PRELID2: variants seen among roughly 807,000 people sequenced by gnomAD.
The protein encoded by PRELID2 is PRELI domain containing 2.
Under a neutral mutation model 28.4 loss-of-function variants are expected in PRELID2, and 25 were observed. The observed-to-expected ratio is 0.88, with a 90% CI of 0.64 to 1.23. The LOEUF is 1.23. Ranked by LOEUF, PRELID2 falls within the 50% of genes most tolerant of loss-of-function variation. The probability of loss-of-function intolerance (pLI) is 0.00; values close to 1 mark genes in which losing one functional copy is unlikely to be tolerated. For synonymous variants in PRELID2, 76 were observed against 71.6 expected (o/e 1.06, Z -0.31); for missense variants, 201 against 214.4 (o/e 0.94, Z 0.39).
chr5:145,793,222 C>T (rs886852480), intron 5 of PRELID2, among the ~76,000 whole-genome samples: 1 of 152,132 alleles, frequency 6.6e-6, no homozygotes, highest in Non-Finnish European at 1.5e-5. Context: ...GCACAGAATA[C>T]GTATGACCTC....
intron 6 of PRELID2, 63 bp downstream of exon 6, chr5:145,764,868 C>A: frequency 8.2e-7 from 1 of 1,219,982 alleles, no homozygotes; most frequent in East Asian, 2.3e-5. Flanking sequence ...TGTAGAATAC[C>A]AGGCTGATAA....
rs149050121 is a variant in PRELID2 at position 145,607,075 on chromosome 5, G to A, written n.71-133760C>T. 9.1e-4 allele frequency among the ~76,000 whole-genome samples: 139 copies of A among 152,112 alleles called. 1 individual carries two copies. The East Asian group carries it at 0.026, about 28-fold the overall frequency. On this transcript the variant is annotated intron_variant and non_coding_transcript_variant, in intron 1 of 2. Coordinates refer to the PRELID2 transcript ENST00000510259. Reference sequence around the variant, plus strand: ...CTGAGAGATTTTTATATTTCTGTGGGGTCAGTGATAATGTAACCTGTGTCA... The same window carrying A: ...CTGAGAGATTTTTATATTTCTGTGGAGTCAGTGATAATGTAACCTGTGTCA...
intron 1 of PRELID2, among the ~76,000 whole-genome samples, chr5:145,748,571 T>C (rs1342064340): frequency 6.6e-6 from 1 of 152,170 alleles, no homozygotes; most frequent in East Asian, 1.9e-4. Context: ...ATAGATTCAA[T>C]GCTATTCCCA....
At chr5:145,808,666 C>T (rs1054618668) in intron 4 of PRELID2, among the ~76,000 whole-genome samples, 1 of 152,066 alleles carries the variant, frequency 6.6e-6, no homozygotes, top group African/African-American at 2.4e-5. Context: ...AAGAGGGTCA[C>T]TTGAGGCCAG....
intron 2 of PRELID2, among the ~76,000 whole-genome samples, chr5:145,822,389 C>T (rs938854522): frequency 6.6e-6 from 1 of 152,176 alleles, no homozygotes; most frequent in African/African-American, 2.4e-5. Flanking sequence ...TCTGTGGCAA[C>T]TGGTCAACTC....
the PRELID2 span, among the ~76,000 whole-genome samples, chr5:145,261,696 C>T: frequency 6.6e-6 from 1 of 152,136 alleles, no homozygotes; most frequent in African/African-American, 2.4e-5. Context: ...GAACAGAAGC[C>T]CTTGAGCCCC....
At chr5:145,538,090 A>C (rs1177463117) in intron 1 of PRELID2, among the ~76,000 whole-genome samples, 3 of 151,996 alleles carry the variant, frequency 2.0e-5, no homozygotes, top group African/African-American at 7.2e-5. Context: ...TTTATTAAAA[A>C]GACTGTCTTT....
chr5:145,404,569 G>C, the PRELID2 span, among the ~76,000 whole-genome samples: 2 of 152,318 alleles, frequency 1.3e-5, no homozygotes, highest in South Asian at 4.1e-4. Context: ...TTATAATACA[G>C]TGTGGAGAGT....
rs1561559032 is a variant in PRELID2 at position 145,724,634 on chromosome 5, TA to T, written n.70+40296del. On this transcript the variant is annotated intron_variant and non_coding_transcript_variant, in intron 1 of 2. Transcript: ENST00000510259. The stretch of plus-strand genomic sequence containing the variant: ...ATATATATATATATATATATATATA[TA>T]TATATATATATAATGCCTGTAACTT... Among the ~76,000 whole-genome samples the T allele has an allele frequency of 3.0e-5, 3 of 98,848 alleles. No homozygotes were observed. In the East Asian group the frequency reaches 8.4e-4, roughly 28 times the overall value. 64.8% of individuals were successfully genotyped at this position (98,848 alleles called of 152,430 possible).
chr5:145,350,050 T>C, the PRELID2 span, among the ~76,000 whole-genome samples: 1 of 152,244 alleles, frequency 6.6e-6, no homozygotes, highest in African/African-American at 2.4e-5. Flanking sequence ...GAGCACAAGC[T>C]TTAGACGTAC....
At chr5:145,791,764 A>C (rs1202191529) in intron 5 of PRELID2, among the ~76,000 whole-genome samples, 3 of 152,230 alleles carry the variant, frequency 2.0e-5, no homozygotes, top group African/African-American at 7.2e-5. Flanking sequence ...ATAAAAAACA[A>C]ACTTTTAATA....
chr5:145,461,445 G>A, the PRELID2 span, among the ~76,000 whole-genome samples: 1 of 152,090 alleles, frequency 6.6e-6, no homozygotes, highest in East Asian at 1.9e-4. Context: ...TGGGACTACA[G>A]GCACCCGCCA....
chr5:145,736,040 G>A (rs1756487030), intron 1 of PRELID2, among the ~76,000 whole-genome samples: 2 of 152,096 alleles, frequency 1.3e-5, no homozygotes, highest in Non-Finnish European at 1.5e-5. Flanking sequence ...CTGACATCTG[G>A]GAAATGCAAA....
the PRELID2 span, among the ~76,000 whole-genome samples, chr5:145,332,309 G>T: frequency 6.6e-6 from 1 of 152,094 alleles, no homozygotes; most frequent in Admixed American, 6.5e-5. Context: ...TTGAATGTTG[G>T]TCTGTCTGGC....
At chr5:145,630,600 C>G (rs557743485) in intron 1 of PRELID2, among the ~76,000 whole-genome samples, 2 of 152,034 alleles carry the variant, frequency 1.3e-5, no homozygotes, top group Non-Finnish European at 2.9e-5. Flanking sequence ...GGTTGTTAGC[C>G]AAGATAAGAA....
intron 4 of PRELID2, among the ~76,000 whole-genome samples, chr5:145,800,755 T>A (rs1753083548): frequency 6.6e-6 from 1 of 152,124 alleles, no homozygotes; most frequent in African/African-American, 2.4e-5. Flanking sequence ...AGATGAGAGT[T>A]TATCCTACTA....
At chr5:145,387,402 G>A in the PRELID2 span, among the ~76,000 whole-genome samples, 2 of 151,910 alleles carry the variant, frequency 1.3e-5, no homozygotes, top group East Asian at 1.9e-4. Flanking sequence ...AAGAAGTGAG[G>A]GTAATGTGGG....
At chr5:145,741,988 A>AATTT (rs372085668) in intron 1 of PRELID2, among the ~76,000 whole-genome samples, 101,852 of 123,674 alleles carry the variant, frequency 0.82, 42,333 homozygotes, top group East Asian at 0.88. Context: ...AATTATAATA[A>AATTT]ATTTATTATA....
intron 1 of PRELID2, among the ~76,000 whole-genome samples, chr5:145,685,389 G>A (rs1755015768): frequency 6.6e-6 from 1 of 152,152 alleles, no homozygotes; most frequent in East Asian, 1.9e-4. Context: ...CTTTGCAAAT[G>A]TTATTCTTGC....
Sources: gnomAD v4.1 joint callset for allele counts (sites outside exome capture counted in the v4.1 genomes callset) on GRCh38, gnomAD v4.1.1 for gene constraint, MANE v1.5 for transcripts, NCBI Gene and HGNC (gene_info 2026-07-23, HGNC 2026-07-21) for gene names.